UVRAG: variants seen among roughly 807,000 people sequenced by gnomAD.
UVRAG encodes UV radiation resistance associated.
UVRAG carries 19 observed loss-of-function variants against 78.0 expected under a neutral mutation model. That is an observed-to-expected ratio of 0.24 (90% confidence interval 0.17 to 0.36). The LOEUF (loss-of-function observed/expected upper bound fraction) is 0.36, where lower values mean the gene tolerates loss of function less well. Among genes scored for constraint, UVRAG ranks in the 10% least tolerant of loss-of-function variants. UVRAG has a pLI of 1.00. For synonymous variants in UVRAG, 323 were observed against 324.6 expected, an observed-to-expected ratio of 1.00 and a Z score of 0.05; for missense variants, 740 against 853.8, an observed-to-expected ratio of 0.87 and a Z score of 1.66.
intron 6 of UVRAG, among the ~76,000 whole-genome samples, chr11:75,928,675 C>T (rs1948164669): frequency 6.6e-6 from 1 of 151,940 alleles, no homozygotes; most frequent in Admixed American, 6.6e-5. Context: ...TGCGGTGGCT[C>T]ACGCTTGTAA....
intron 2 of UVRAG, among the ~76,000 whole-genome samples, chr11:75,858,888 A>C (rs146838524): frequency 2.0e-5 from 3 of 152,234 alleles, no homozygotes; most frequent in Non-Finnish European, 2.9e-5. Flanking sequence ...CACCATATCT[A>C]TGAGTATTAG....
At chr11:76,091,778 A>T (rs1013445252) in intron 13 of UVRAG, among the ~76,000 whole-genome samples, 2 of 151,104 alleles carry the variant, frequency 1.3e-5, no homozygotes, top group Non-Finnish European at 2.9e-5. Flanking sequence ...TTTGGACTTG[A>T]TATATCATTT....
intron 5 of UVRAG, among the ~76,000 whole-genome samples, chr11:75,890,487 A>G (rs1047331176): frequency 1.5e-4 from 23 of 152,224 alleles, no homozygotes; most frequent in African/African-American, 5.3e-4. Flanking sequence ...TCTGGCTTAG[A>G]TGAAGTAACT....
At chr11:76,026,510 A>C (rs1305509864) in intron 12 of UVRAG, among the ~76,000 whole-genome samples, 2 of 152,236 alleles carry the variant, frequency 1.3e-5, no homozygotes, top group East Asian at 3.9e-4. Context: ...AGAAATGGGG[A>C]ATTTTCATAT....
chr11:75,817,341 A>G (rs1945281088), intron 1 of UVRAG, among the ~76,000 whole-genome samples: 1 of 152,216 alleles, frequency 6.6e-6, no homozygotes, highest in Admixed American at 6.5e-5. Context: ...CTCTGATAAC[A>G]GTTCACAGTT....
intron 8 of UVRAG, among the ~76,000 whole-genome samples, chr11:75,984,593 C>A (rs998459374): frequency 3.9e-5 from 6 of 152,130 alleles, no homozygotes; most frequent in Non-Finnish European, 7.3e-5. Context: ...AGCAAACATA[C>A]CCATGTGAGC....
At chr11:75,828,798 T>TACACACAC in intron 1 of UVRAG, among the ~76,000 whole-genome samples, 1 of 101,810 alleles carries the variant, frequency 9.8e-6, no homozygotes, top group African/African-American at 4.1e-5. Context: ...TATATATATA[T>TACACACAC]ATATATATTT....
intron 6 of UVRAG, among the ~76,000 whole-genome samples, chr11:75,919,574 T>C (rs1350749938): frequency 1.3e-5 from 2 of 152,248 alleles, no homozygotes; most frequent in Non-Finnish European, 2.9e-5. Flanking sequence ...TAAACAGCCC[T>C]GTCTCACTAC....
rs1213960426 is a variant in UVRAG, at chr11:76,140,853, C to T, written c.1540C>T (p.Leu514Phe). The T allele has an allele frequency of 6.2e-7, 1 of 1,614,150 alleles. No individual in the cohort carries two copies. Among genetic ancestry groups the T allele is most frequent in the Non-Finnish European group, 8.5e-7 (1 of 1,180,028 alleles). Residue 514 changes from leucine (L) to phenylalanine (F), a missense_variant, in exon 15 of 15, where the codon CTT (leucine) becomes TTT (phenylalanine). Physicochemically the swap from Leu to Phe is conservative, Grantham distance 22. Transcript: ENST00000356136. Reference sequence around the variant, plus strand: ...ACGGGCCAGCTCTGAGAATGAGAGACTTCAGTACAAAACCCCTCCTCCCAG... The same window carrying T: ...ACGGGCCAGCTCTGAGAATGAGAGATTTCAGTACAAAACCCCTCCTCCCAG... ...RKRASSENER[L>F]QYKTPPPSYN...
At chr11:76,046,977 AC>A (rs1466528003) in intron 12 of UVRAG, among the ~76,000 whole-genome samples, 2 of 152,210 alleles carry the variant, frequency 1.3e-5, no homozygotes, top group Admixed American at 6.5e-5. Flanking sequence ...TGATAAAAAA[AC>A]ATTGATTTTT....
At chr11:75,944,928 C>G (rs941915192) in intron 6 of UVRAG, among the ~76,000 whole-genome samples, 1 of 152,046 alleles carries the variant, frequency 6.6e-6, no homozygotes, top group Non-Finnish European at 1.5e-5. Context: ...AGTCAGTAGT[C>G]AAGTCAATAT....
intron 3 of UVRAG, among the ~76,000 whole-genome samples, chr11:75,878,668 G>A (rs926547104): frequency 2.0e-5 from 3 of 152,356 alleles, no homozygotes; most frequent in East Asian, 3.9e-4. Context: ...AGACCAGCCC[G>A]GCTAACACAG....
chr11:76,112,283 G>T (rs2134461120), intron 13 of UVRAG, among the ~76,000 whole-genome samples: 1 of 152,234 alleles, frequency 6.6e-6, no homozygotes, highest in South Asian at 2.1e-4. Context: ...TGACAGTAAA[G>T]AAATACTTTG....
At chr11:75,954,564 C>A (rs530270786) in intron 6 of UVRAG, among the ~76,000 whole-genome samples, 11 of 152,158 alleles carry the variant, frequency 7.2e-5, no homozygotes, top group Non-Finnish European at 1.5e-4. Flanking sequence ...ATCTAGGAAA[C>A]TACCACACTG....
At chr11:75,819,512 A>G (rs34465895) in intron 1 of UVRAG, among the ~76,000 whole-genome samples, 4,176 of 151,994 alleles carry the variant, frequency 0.027, 79 homozygotes, top group Non-Finnish European at 0.044. Flanking sequence ...ATGCCCAGCT[A>G]ATTTTTGTAT....
At position 75,995,501 on chromosome 11, in the gene UVRAG, G is replaced by GAAA. The variant is rs71471398; in HGVS notation, c.827-8491_827-8489dup. Among the ~76,000 whole-genome samples the GAAA allele has an allele frequency of 7.6e-3, 907 of 120,044 alleles. 19 individuals are homozygous for GAAA. Among genetic ancestry groups the GAAA allele is most frequent in the African/African-American group, 0.025 (871 of 35,296 alleles). The allele number at this position is 120,044 out of a possible 152,430, so 78.8% of individuals were successfully genotyped here. ...TGTAATAGTTTCTTATTGTCATTTT[G>GAAA]AAAAAAAAAAAAAAAGAGTAATTAA... is the stretch of plus-strand genomic sequence containing the variant. On this transcript the variant is annotated intron_variant, in intron 8 of 14. Coordinates refer to ENST00000356136, the MANE Select transcript of UVRAG (RefSeq NM_003369.4).
intron 12 of UVRAG, among the ~76,000 whole-genome samples, chr11:76,052,123 A>C (rs1311214095): frequency 6.6e-6 from 1 of 152,200 alleles, no homozygotes; most frequent in African/African-American, 2.4e-5. Flanking sequence ...TATTAGGCTG[A>C]TTATATGAGC....
intron 1 of UVRAG, among the ~76,000 whole-genome samples, chr11:75,844,876 G>GC (rs1245799677): frequency 6.6e-5 from 10 of 151,964 alleles, no homozygotes; most frequent in Non-Finnish European, 1.5e-4. Flanking sequence ...TGTTGCCCAG[G>GC]CTGGTCTTAA....
At chr11:76,030,545 G>T (rs528800739) in intron 12 of UVRAG, among the ~76,000 whole-genome samples, 1 of 152,082 alleles carries the variant, frequency 6.6e-6, no homozygotes, top group Non-Finnish European at 1.5e-5. Flanking sequence ...TCTCACCCTG[G>T]CCCACTATTT....
Sources: allele counts gnomAD v4.1 joint callset (sites outside exome capture counted in the v4.1 genomes callset), GRCh38; gene constraint gnomAD v4.1.1; transcripts MANE v1.5; gene names NCBI Gene and HGNC (gene_info 2026-07-23, HGNC 2026-07-21).